The following SNX27 variants were observed in gnomAD, a reference collection of about 807,000 sequenced individuals.
SNX27 encodes the protein sorting nexin-27.
Under a neutral mutation model 71.6 loss-of-function variants are expected in SNX27, and 22 were observed. The ratio of observed to expected loss-of-function variants is 0.31; its 90% CI spans 0.22 to 0.44. The LOEUF is 0.44. SNX27 is among the 20% of genes least tolerant of loss of function. The pLI, the probability that SNX27 is intolerant of heterozygous loss-of-function variation, is 1.00. For missense variants in SNX27, 531 were observed against 698.6 expected, an observed-to-expected ratio of 0.76 and a Z score of 2.70; for synonymous variants, 269 against 277.2, an observed-to-expected ratio of 0.97 and a Z score of 0.29.
chr1:151,694,297 T>C (rs1482546264), intron 11 of SNX27, 73 bp from the exon 12 acceptor site: 2 of 1,541,218 alleles, frequency 1.3e-6, no homozygotes, highest in African/African-American at 1.4e-5. Context: ...CCTTTTTAGC[T>C]TCTGTTTGTG....
intron 7 of SNX27, among the ~76,000 whole-genome samples, chr1:151,674,877 G>T (rs946545121): frequency 6.6e-6 from 1 of 151,460 alleles, no homozygotes; most frequent in African/African-American, 2.4e-5. Context: ...TAGTAGAGAC[G>T]GGGTTTCACC....
intron 2 of SNX27, among the ~76,000 whole-genome samples, chr1:151,642,548 A>C (rs1237848690): frequency 6.6e-6 from 1 of 152,090 alleles, no homozygotes; most frequent in Non-Finnish European, 1.5e-5. Context: ...TAAGAAATCT[A>C]CCTAACCCAA....
intron 1 of SNX27, among the ~76,000 whole-genome samples, chr1:151,632,432 A>G (rs1414889874): frequency 1.3e-5 from 2 of 152,210 alleles, no homozygotes; most frequent in Admixed American, 1.3e-4. Flanking sequence ...CTGGGATTAC[A>G]GGCATGAGCC....
intron 1 of SNX27, among the ~76,000 whole-genome samples, chr1:151,628,285 G>C (rs1402664275): frequency 6.6e-6 from 1 of 152,120 alleles, no homozygotes; most frequent in Non-Finnish European, 1.5e-5. Context: ...GGGATTGCAG[G>C]CATGAGCCAC....
Position 151,694,460 on chromosome 1 carries a change from A to G in SNX27, c.*43A>G. 6.6e-7 allele frequency: 1 copy of G among 1,524,816 alleles called. No homozygotes were observed. Among genetic ancestry groups the G allele is most frequent in the Non-Finnish European group, 8.9e-7 (1 of 1,129,220 alleles). The allele number at this position is 1,524,816 out of a possible 1,614,324, so 94.5% of individuals were successfully genotyped here. ...CCCTTCCCTTCACCCCCATCCTCTT[A>G]CTCCTTTCATGTCCCATTTCAGACA... On this transcript the variant is annotated 3_prime_UTR_variant, in exon 12 of 12. Coordinates refer to ENST00000458013, the MANE Select transcript of SNX27 (RefSeq NM_001330723.2).
intron 8 of SNX27, among the ~76,000 whole-genome samples, chr1:151,690,336 C>G (rs2102737925): frequency 6.6e-6 from 1 of 152,252 alleles, no homozygotes; most frequent in South Asian, 2.1e-4. Context: ...GAAGCTCACC[C>G]CAGGGATTTT....
chr1:151,662,518 T>C (rs1323186781), intron 5 of SNX27: 3 of 236,216 alleles, frequency 1.3e-5, no homozygotes, highest in Non-Finnish European at 2.6e-5. Flanking sequence ...AGTGTTGCTC[T>C]GTCACCCAGG....
rs1667234033 is a variant in SNX27 at position 151,612,657 on chromosome 1, G to C, written c.311+145G>C. The C allele has an allele frequency of 1.6e-6, 1 of 614,618 alleles. No individual in the cohort carries two copies. Among genetic ancestry groups the C allele is most frequent in the Non-Finnish European group, 2.4e-6 (1 of 417,236 alleles). The allele number at this position is 614,618 out of a possible 1,614,324, so 38.1% of individuals were successfully genotyped here. On this transcript the variant is annotated intron_variant, in intron 1 of 11. Coordinates refer to ENST00000458013, the MANE Select transcript of SNX27 (RefSeq NM_001330723.2). The surrounding 1 kb of genome is among the most constrained non-coding windows in gnomAD (Gnocchi z 5.2). The stretch of plus-strand genomic sequence containing the variant: ...CCCCGCCCCTCAGGCCTCCGCAGCC[G>C]GGCCCCTCCTTGTGGGCTGCCCTCC...
intron 2 of SNX27, among the ~76,000 whole-genome samples, chr1:151,639,552 A>G (rs756215800): frequency 3.3e-5 from 5 of 152,174 alleles, no homozygotes; most frequent in Non-Finnish European, 5.9e-5. Flanking sequence ...AGGTTCACCC[A>G]TTTCAGAACT....
chr1:151,658,183 G>A lies in SNX27; in HGVS notation c.544-52G>A. On this transcript the variant is annotated intron_variant, in intron 2 of 11. Transcript: ENST00000458013. ...CATCTAAGCCTGACTAGATGATTTT[G>A]TGATTTAATTTGTATTAAGTATGCT... 9 of 1,513,934 alleles carry A rather than the reference G, an allele frequency of 5.9e-6. No homozygotes were observed. The South Asian group carries it at 1.0e-4, about 17-fold the overall frequency. The allele number at this position is 1,513,934 out of a possible 1,614,324, so 93.8% of individuals were successfully genotyped here.
chr1:151,655,995 G>C (rs533716575), intron 2 of SNX27, among the ~76,000 whole-genome samples: 1 of 152,034 alleles, frequency 6.6e-6, no homozygotes. Flanking sequence ...AGGCCGAGGC[G>C]GGTGGATCAC....
At chr1:151,690,638 G>A (rs564254943) in intron 8 of SNX27, among the ~76,000 whole-genome samples, 1 of 151,382 alleles carries the variant, frequency 6.6e-6, no homozygotes, top group East Asian at 1.9e-4. Flanking sequence ...ATAGAGATGG[G>A]GTTTCACTAT....
At chr1:151,625,750 A>G (rs1462672820) in intron 1 of SNX27, among the ~76,000 whole-genome samples, 1 of 142,658 alleles carries the variant, frequency 7.0e-6, no homozygotes, top group Non-Finnish European at 1.5e-5. Flanking sequence ...ACACCAGTGC[A>G]CTCTATCCTG....
At chr1:151,693,744 G>A (rs1671572877) in intron 11 of SNX27, 1 of 1,553,762 alleles carries the variant, frequency 6.4e-7, no homozygotes, top group African/African-American at 1.4e-5. Context: ...CATCTCTCAT[G>A]ACTTCATGGA....
intron 1 of SNX27, among the ~76,000 whole-genome samples, chr1:151,628,461 G>A (rs1558038174): frequency 6.6e-6 from 1 of 151,942 alleles, no homozygotes; most frequent in Non-Finnish European, 1.5e-5. Flanking sequence ...ATTTATTTAC[G>A]TGCAGGTTTT....
rs191768100 is a variant in SNX27 at position 151,652,748 on chromosome 1, C to T, written c.544-5487C>T. 6.8e-3 allele frequency among the ~76,000 whole-genome samples: 1,036 copies of T among 151,990 alleles called. 7 individuals carry two copies. The highest frequency in any genetic ancestry group is 9.1e-3 in the Non-Finnish European group (619 of 67,952). On this transcript the variant is annotated intron_variant, in intron 2 of 11. Transcript: ENST00000458013. ...TTCTGTCACTTTCATTTGTTATTTG[C>T]TTGTAATTTTCACACCTGCTGAAAT...
chr1:151,612,981 C>T lies in SNX27; in HGVS notation c.311+469C>T, dbSNP rs183128492. The stretch of plus-strand genomic sequence containing the variant: ...GTTCTCCACCACTCCCCTCCGCCCC[C>T]GTGGACTGCCCCTTCTGCCCTCCAG... On this transcript the variant is annotated intron_variant, in intron 1 of 11. Coordinates refer to ENST00000458013, the MANE Select transcript of SNX27 (RefSeq NM_001330723.2). The surrounding 1 kb of genome is among the most constrained non-coding windows in gnomAD (Gnocchi z 5.2). Among the ~76,000 whole-genome samples the T allele has an allele frequency of 6.6e-6, 1 of 151,962 alleles. No individual in the cohort carries two copies. The highest frequency in any genetic ancestry group is 1.9e-4 in the East Asian group (1 of 5,148).
intron 6 of SNX27, 86 bp from the exon 7 acceptor site, chr1:151,668,386 A>G: frequency 1.6e-6 from 2 of 1,251,116 alleles, no homozygotes; most frequent in South Asian, 3.2e-5. Flanking sequence ...ATAACATACC[A>G]TTCTTGATCT....
At chr1:151,667,428 G>A (rs939211601) in intron 6 of SNX27, among the ~76,000 whole-genome samples, 4 of 151,904 alleles carry the variant, frequency 2.6e-5, no homozygotes, top group African/African-American at 9.7e-5. Flanking sequence ...GGAGGTGGGC[G>A]GAAAAAACCT....
Sources: gnomAD v4.1 joint callset for allele counts (sites outside exome capture counted in the v4.1 genomes callset) on GRCh38, gnomAD v4.1.1 for gene constraint, Gnocchi (gnomAD v3.1) non-coding constraint, MANE v1.5 for transcripts, NCBI Gene and HGNC (gene_info 2026-07-23, HGNC 2026-07-21) for gene names.